The following HPCAL1 variants were observed in gnomAD, a reference collection of about 807,000 sequenced individuals.
The protein encoded by HPCAL1 is hippocalcin like 1.
A neutral mutation model predicts 17.1 loss-of-function variants in HPCAL1; 8 were observed. The ratio of observed to expected loss-of-function variants is 0.47; its 90% CI spans 0.27 to 0.84. HPCAL1 has a LOEUF of 0.84. HPCAL1 is among the 40% of genes least tolerant of loss of function. The pLI is 0.13. For synonymous variants in HPCAL1, 112 were observed against 111.4 expected (o/e 1.01, Z -0.03); for missense variants, 165 against 271.1 (o/e 0.61, Z 2.75).
intron 2 of HPCAL1, among the ~76,000 whole-genome samples, chr2:10,400,302 AC>A (rs1669519007): frequency 6.6e-6 from 1 of 152,078 alleles, no homozygotes; most frequent in Admixed American, 6.5e-5. Flanking sequence ...GCACAGCCAG[AC>A]CCCCACCATA....
At chr2:10,385,687 C>T (rs759449631) in intron 1 of HPCAL1, among the ~76,000 whole-genome samples, 93 of 152,226 alleles carry the variant, frequency 6.1e-4, no homozygotes, top group Admixed American at 1.1e-3. Flanking sequence ...ATGTTTGTGG[C>T]GCGACGGCTG....
intron 2 of HPCAL1, among the ~76,000 whole-genome samples, chr2:10,418,556 C>T (rs1670829384): frequency 6.6e-6 from 1 of 151,632 alleles, no homozygotes; most frequent in South Asian, 2.1e-4. Flanking sequence ...AGAGCTGGTG[C>T]CTACTGTTTA....
intron 1 of HPCAL1, among the ~76,000 whole-genome samples, chr2:10,376,938 T>C (rs113252900): frequency 0.02 from 2,939 of 144,894 alleles, 122 homozygotes; most frequent in South Asian, 0.084. Context: ...CATACCGTAT[T>C]GTATTGTGTG....
At chr2:10,351,880 G>GTTCC (rs1279317448) in intron 1 of HPCAL1, among the ~76,000 whole-genome samples, 17 of 151,262 alleles carry the variant, frequency 1.1e-4, no homozygotes, top group African/African-American at 3.2e-4. Context: ...TCACCATTGA[G>GTTCC]TTCCTTCCTT....
rs1400514502 is a variant in HPCAL1, at chr2:10,419,928, C to G, written c.171C>G (p.Pro57=). The stretch of plus-strand genomic sequence containing the variant: ...AGAAGATCTACGCCAACTTCTTCCC[C>G]TACGGCGACGCTTCCAAGTTCGCCG... ...EFKKIYANFF[P]YGDASKFAEH... Residue 57 remains proline, a synonymous_variant, in exon 3 of 5, where the codon CCC becomes CCG. Transcript: ENST00000307845. The surrounding 1 kb of genome is among the most constrained non-coding windows in gnomAD (Gnocchi z 5.0). The G allele has an allele frequency of 6.2e-7, 1 of 1,613,994 alleles. No individual in the cohort carries two copies. Among genetic ancestry groups the G allele is most frequent in the Admixed American group, 1.7e-5 (1 of 60,032 alleles).
chr2:10,323,389 C>T lies in HPCAL1; in HGVS notation c.-111+20212C>T, dbSNP rs1220590662. ...CCTTCCTTTCCAGTAGACAGAGTGC[C>T]CTGGCCAGCAGAGGCCAAACACATT... On this transcript the variant is annotated intron_variant, in intron 1 of 4. Coordinates refer to ENST00000307845, the MANE Select transcript of HPCAL1 (RefSeq NM_002149.4). This position sits in a 1 kb window ranked among gnomAD's most constrained non-coding sequence, Gnocchi z 4.6. 6.6e-6 allele frequency among the ~76,000 whole-genome samples: 1 copy of T among 152,228 alleles called. No individual in the cohort carries two copies.
At position 10,321,186 on chromosome 2, in the gene HPCAL1, CAGA is replaced by C. The variant is rs573948983; in HGVS notation, c.-111+18012_-111+18014del. ...GAGCAGGCACGTCACATGGAGAAAG[CAGA>C]AGCAAGAGAGAGAAAAATGCAAGGT... On this transcript the variant is annotated intron_variant, in intron 1 of 4. Transcript: ENST00000307845. Among the ~76,000 whole-genome samples, 6 of 152,222 alleles carry C rather than the reference CAGA, an allele frequency of 3.9e-5. No individual in the cohort carries two copies. In the East Asian group the frequency reaches 1.2e-3, roughly 29 times the overall value.
At chr2:10,409,776 T>G in intron 2 of HPCAL1, among the ~76,000 whole-genome samples, 3 of 96,678 alleles carry the variant, frequency 3.1e-5, no homozygotes, top group East Asian at 3.2e-4. Flanking sequence ...TGAGCCTCAG[T>G]CTTTTTTTTT....
intron 1 of HPCAL1, among the ~76,000 whole-genome samples, chr2:10,339,451 C>T (rs1324132500): frequency 3.9e-5 from 6 of 152,170 alleles, no homozygotes; most frequent in Non-Finnish European, 7.3e-5. Flanking sequence ...ATTACAGGCA[C>T]ATGCCACCAT....
chr2:10,309,709 A>G (rs1252045948), intron 1 of HPCAL1, among the ~76,000 whole-genome samples: 1 of 152,196 alleles, frequency 6.6e-6, no homozygotes, highest in Non-Finnish European at 1.5e-5. Context: ...CGTTGAATGC[A>G]GTGGTGCTGT....
chr2:10,387,639 C>CA (rs981636230), intron 1 of HPCAL1, among the ~76,000 whole-genome samples: 4 of 152,232 alleles, frequency 2.6e-5, no homozygotes, highest in African/African-American at 9.6e-5. Context: ...CAGTGGTACT[C>CA]AGAGAGGCTT....
intron 1 of HPCAL1, among the ~76,000 whole-genome samples, chr2:10,386,372 A>G (rs1668309524): frequency 1.3e-5 from 2 of 151,944 alleles, no homozygotes; most frequent in Admixed American, 1.3e-4. Flanking sequence ...TCATTCATTT[A>G]ATGTTTATTC....
chr2:10,364,999 T>C (rs1666759237), intron 1 of HPCAL1, among the ~76,000 whole-genome samples: 1 of 152,208 alleles, frequency 6.6e-6, no homozygotes, highest in South Asian at 2.1e-4. Flanking sequence ...TACATCTCTG[T>C]GATGTCACCC....
At chr2:10,390,978 G>A (rs1668653952) in intron 1 of HPCAL1, among the ~76,000 whole-genome samples, 2 of 152,202 alleles carry the variant, frequency 1.3e-5, no homozygotes, top group African/African-American at 4.8e-5. Flanking sequence ...TCAGTGGACT[G>A]GATCACCTTC....
intron 2 of HPCAL1, among the ~76,000 whole-genome samples, chr2:10,404,731 C>A (rs1669868068): frequency 6.6e-6 from 1 of 152,198 alleles, no homozygotes; most frequent in South Asian, 2.1e-4. Flanking sequence ...TGTCCTTTTT[C>A]TTTATTTTCT....
At chr2:10,425,860 T>C (rs1671370495) in intron 4 of HPCAL1, 1 of 152,424 alleles carries the variant, frequency 6.6e-6, no homozygotes, top group Admixed American at 6.5e-5. Context: ...AACCTCATCC[T>C]TCCCCACCAG....
intron 1 of HPCAL1, among the ~76,000 whole-genome samples, chr2:10,390,424 A>G (rs4142237): frequency 0.29 from 43,522 of 151,974 alleles, 7,274 homozygotes; most frequent in East Asian, 0.61. Flanking sequence ...TATCACCCGG[A>G]GGCCACAGTG....
At chr2:10,324,913 C>G (rs1663906968) in intron 1 of HPCAL1, among the ~76,000 whole-genome samples, 1 of 149,912 alleles carries the variant, frequency 6.7e-6, no homozygotes, top group African/African-American at 2.5e-5. Context: ...ATCTCCACCT[C>G]CCAGGTTCAA....
At chr2:10,423,471 G>A (rs1038099768) in intron 4 of HPCAL1, 44 of 205,402 alleles carry the variant, frequency 2.1e-4, no homozygotes, top group African/African-American at 9.9e-4. Flanking sequence ...TGGGGTGCTG[G>A]CCATGCCTCT....
Sources: gnomAD v4.1 joint callset for allele counts (sites outside exome capture counted in the v4.1 genomes callset) on GRCh38, gnomAD v4.1.1 for gene constraint, Gnocchi (gnomAD v3.1) non-coding constraint, MANE v1.5 for transcripts, NCBI Gene and HGNC (gene_info 2026-07-23, HGNC 2026-07-21) for gene names.